Variants in PNPLA3 observed in about 807,000 individuals in gnomAD.
PNPLA3 encodes patatin like domain 3, 1-acylglycerol-3-phosphate O-acyltransferase.
A neutral mutation model predicts 43.1 loss-of-function variants in PNPLA3; 42 were observed. That is an observed-to-expected ratio of 0.97 (90% confidence interval 0.76 to 1.26). The LOEUF is 1.26. Among genes scored for constraint, PNPLA3 ranks in the 50% most tolerant of loss-of-function variants. PNPLA3 has a pLI of 0.00. For missense variants in PNPLA3, 647 were observed against 621.4 expected, an observed-to-expected ratio of 1.04 and a Z score of -0.44; for synonymous variants, 272 against 253.6, an observed-to-expected ratio of 1.07 and a Z score of -0.69.
chr22:43,932,390 A>G (rs911675363), intron 3 of PNPLA3, among the ~76,000 whole-genome samples: 10 of 152,182 alleles, frequency 6.6e-5, no homozygotes, highest in African/African-American at 2.4e-4. Context: ...CTCATGGGTT[A>G]AAGGTCTTAT....
intron 1 of PNPLA3, among the ~76,000 whole-genome samples, chr22:43,924,547 C>T (rs893527928): frequency 6.6e-6 from 1 of 152,150 alleles, no homozygotes; most frequent in African/African-American, 2.4e-5. Context: ...TGCCCTGGGC[C>T]GGACAAAGAG....
At chr22:43,924,366 C>A in intron 1 of PNPLA3, 1 of 458,866 alleles carries the variant, frequency 2.2e-6, no homozygotes, top group Non-Finnish European at 3.8e-6. Context: ...CATCAGGCGC[C>A]CGTGCATGAA....
At chr22:43,936,583 C>G (rs1249844394) in intron 5 of PNPLA3, among the ~76,000 whole-genome samples, 1 of 152,192 alleles carries the variant, frequency 6.6e-6, no homozygotes, top group Non-Finnish European at 1.5e-5. Flanking sequence ...GACATCAGAC[C>G]CAGCTTCAAA....
Position 43,924,089 on chromosome 22 carries a change from A to G in PNPLA3, c.178A>G (p.Ile60Val). 6.4e-7 allele frequency: 1 copy of G among 1,558,496 alleles called. No homozygotes were observed. Among genetic ancestry groups the G allele is most frequent in the Non-Finnish European group, 8.6e-7 (1 of 1,162,234 alleles). ...GCACTGCGTCGGCGTCCTCTCCGGT[A>G]TCCCGCTGGGTGCGTCTGGGGACGC... ...ALHCVGVLSGIPLEQTLQVLS... is the reference protein window; with the variant it reads ...ALHCVGVLSGVPLEQTLQVLS... Residue 60 changes from isoleucine to valine, a missense_variant, in exon 1 of 9, where the codon ATC (isoleucine) becomes GTC (valine). Physicochemically the swap from Ile to Val is conservative, Grantham distance 29 (BLOSUM62 3). Coordinates refer to ENST00000216180, the MANE Select transcript of PNPLA3 (RefSeq NM_025225.3).
In PNPLA3 at chr22:43,944,754, G is replaced by C. The variant is rs1272195945; in HGVS notation, c.1176G>C (p.Gln392His). The change falls in exon 8 of 9, where the codon CAG (glutamine) becomes CAC (histidine). Residue 392 changes from glutamine (Q) to histidine (H), a missense_variant. Physicochemically the swap from Gln to His is conservative, Grantham distance 24. Coordinates refer to ENST00000216180, the MANE Select transcript of PNPLA3 (RefSeq NM_025225.3). ...DVLWLQWVTSQVFTRVLMCLL... is the reference protein window; with the variant it reads ...DVLWLQWVTSHVFTRVLMCLL... The stretch of plus-strand genomic sequence containing the variant: ...TGTGGTTGCAGTGGGTGACCTCACA[G>C]GTGTTCACTCGAGTGCTGATGTGTC... The C allele has an allele frequency of 1.9e-6, 3 of 1,614,266 alleles. No individual in the cohort carries two copies. The highest frequency in any genetic ancestry group is 2.5e-6 in the Non-Finnish European group (3 of 1,180,058).
chr22:43,927,022 A>G lies in PNPLA3; in HGVS notation c.275A>G (p.Lys92Arg), dbSNP rs1443980215. The part of the protein sequence containing the change: ...GIFHPSFNLS[K>R]FLRQGLCKCL... ...TTCCATCCATCCTTCAACTTAAGCAAGTTCCTCCGACAGGGTCTCTGCAAA... is the reference window on the plus strand; with the variant it reads ...TTCCATCCATCCTTCAACTTAAGCAGGTTCCTCCGACAGGGTCTCTGCAAA... The change falls in exon 2 of 9, where the codon AAG becomes AGG. Residue 92 changes from lysine to arginine, a missense_variant. Coordinates refer to ENST00000216180, the MANE Select transcript of PNPLA3 (RefSeq NM_025225.3). 2 of 1,614,206 alleles carry G rather than the reference A, an allele frequency of 1.2e-6. No individual in the cohort carries two copies. Among genetic ancestry groups the G allele is most frequent in the Non-Finnish European group, 1.7e-6 (2 of 1,180,030 alleles).
chr22:43,937,783 C>T (rs1172622546), intron 6 of PNPLA3, among the ~76,000 whole-genome samples: 1 of 152,186 alleles, frequency 6.6e-6, no homozygotes, highest in African/African-American at 2.4e-5. Flanking sequence ...CCTAAACCCA[C>T]AATTTTGAAC....
rs62228000 is a variant in PNPLA3, at chr22:43,947,129, T to A, written c.*747T>A. On this transcript the variant is annotated 3_prime_UTR_variant, in exon 9 of 9. Transcript: ENST00000216180. ...ATCCCAGCACTTTGGGAGGCCAAGG[T>A]TGGCAGATCACCTGAGGTCAGGAGT... 26,270 of 187,304 alleles carry A rather than the reference T, an allele frequency of 0.14. 2,196 individuals carry two copies. The highest frequency in any genetic ancestry group is 0.23 in the African/African-American group (9,448 of 41,310). 11.6% of individuals were successfully genotyped at this position (187,304 alleles called of 1,614,324 possible).
Position 43,928,870 on chromosome 22 carries a change from C to G in PNPLA3, c.467C>G (p.Pro156Arg). 6.2e-7 allele frequency: 1 copy of G among 1,612,312 alleles called. No individual in the cohort carries two copies. The highest frequency in any genetic ancestry group is 8.5e-7 in the Non-Finnish European group (1 of 1,178,436). The change falls in exon 3 of 9, where the codon CCT becomes CGT. Residue 156 changes from proline (P) to arginine (R), a missense_variant. By Grantham distance (103) the Pro-to-Arg change is moderately radical. Coordinates refer to ENST00000216180, the MANE Select transcript of PNPLA3 (RefSeq NM_025225.3). Reference protein sequence around the residue: ...CFIPFYSGLIPPSFRGVRYVD... With the variant: ...CFIPFYSGLIRPSFRGVRYVD... ...ATCCCCTTCTACAGTGGCCTTATCC[C>G]TCCTTCCTTCAGAGGCGTGGTAAGT...
At chr22:43,944,339 C>T (rs1236488627) in intron 7 of PNPLA3, among the ~76,000 whole-genome samples, 1 of 152,176 alleles carries the variant, frequency 6.6e-6, no homozygotes, top group South Asian at 2.1e-4. Flanking sequence ...TCACATGTGA[C>T]CAAGCACAGC....
At chr22:43,938,723 C>A (rs1478354643) in intron 6 of PNPLA3, among the ~76,000 whole-genome samples, 1 of 152,146 alleles carries the variant, frequency 6.6e-6, no homozygotes, top group Non-Finnish European at 1.5e-5. Flanking sequence ...TGGGCAGGGA[C>A]ACAGATCCAA....
chr22:43,936,368 G>A (rs115131591), intron 5 of PNPLA3, among the ~76,000 whole-genome samples: 49 of 152,290 alleles, frequency 3.2e-4, no homozygotes, highest in African/African-American at 1.2e-3. Flanking sequence ...GAAGTTGGAA[G>A]CCAGAGTTGG....
At chr22:43,942,315 G>C (rs1232631430) in intron 7 of PNPLA3, among the ~76,000 whole-genome samples, 2 of 152,200 alleles carry the variant, frequency 1.3e-5, no homozygotes, top group African/African-American at 4.8e-5. Flanking sequence ...TTCTGGAGCA[G>C]AGTCTCTAGT....
chr22:43,926,409 A>G (rs989432200), intron 1 of PNPLA3, among the ~76,000 whole-genome samples: 8 of 152,146 alleles, frequency 5.3e-5, no homozygotes, highest in Non-Finnish European at 8.8e-5. Context: ...TGATAGCATT[A>G]AGGCCATCTA....
intron 7 of PNPLA3, 130 bp downstream of exon 7, chr22:43,940,255 G>A (rs1257636720): frequency 1.8e-6 from 2 of 1,132,622 alleles, no homozygotes; most frequent in African/African-American, 3.1e-5. Flanking sequence ...CACAGTCTAT[G>A]TGCAATGCCC....
rs188355869 is a variant in PNPLA3, at chr22:43,946,658, G to A, written c.*276G>A. On this transcript the variant is annotated 3_prime_UTR_variant, in exon 9 of 9. Coordinates refer to ENST00000216180, the MANE Select transcript of PNPLA3 (RefSeq NM_025225.3). ...CAGAGGGTCCCTTACTGACTGTTTC[G>A]TGGCCCTATTAATGGTCAGACTGTT... 34 of 653,178 alleles carry A rather than the reference G, an allele frequency of 5.2e-5. No homozygotes were observed. Among genetic ancestry groups the A allele is most frequent in the African/African-American group, 1.9e-4 (11 of 56,606 alleles). 40.5% of individuals were successfully genotyped at this position (653,178 alleles called of 1,614,324 possible).
chr22:43,939,930 A>G, intron 6 of PNPLA3, 63 bp from the exon 7 acceptor site: 1 of 1,612,520 alleles, frequency 6.2e-7, no homozygotes, highest in South Asian at 1.1e-5. Context: ...AAGCACCAAC[A>G]GAGTAAAGTG....
chr22:43,928,671 A>T (rs2049941061), intron 2 of PNPLA3, among the ~76,000 whole-genome samples, 153 bp from the exon 3 acceptor site: 1 of 99,130 alleles, frequency 1.0e-5, no homozygotes, highest in Non-Finnish European at 2.7e-5. Flanking sequence ...GGTGTATGTT[A>T]GTTCCCCGTT....
chr22:43,947,325 T>C lies in PNPLA3; in HGVS notation c.*943T>C. 6.6e-6 allele frequency: 1 copy of C among 151,754 alleles called. No individual in the cohort carries two copies. Among genetic ancestry groups the C allele is most frequent in the Non-Finnish European group, 1.5e-5 (1 of 68,380 alleles). 9.4% of individuals were successfully genotyped at this position (151,754 alleles called of 1,614,324 possible). ...GGTGAGCTGAGATTGCACCATTTCATTCCAGCCTGGGCAACATGAGTGAAA... is the reference window on the plus strand; with the variant it reads ...GGTGAGCTGAGATTGCACCATTTCACTCCAGCCTGGGCAACATGAGTGAAA... On this transcript the variant is annotated 3_prime_UTR_variant, in exon 9 of 9. Coordinates refer to ENST00000216180, the MANE Select transcript of PNPLA3 (RefSeq NM_025225.3).
Sources: gnomAD v4.1 joint callset for allele counts (sites outside exome capture counted in the v4.1 genomes callset) on GRCh38, gnomAD v4.1.1 for gene constraint, MANE v1.5 for transcripts, NCBI Gene and HGNC (gene_info 2026-07-23, HGNC 2026-07-21) for gene names.